IL1RAPL1: variants seen among roughly 807,000 people sequenced by gnomAD.
IL1RAPL1 encodes interleukin 1 receptor accessory protein like 1.
Under a neutral mutation model 48.4 loss-of-function variants are expected in IL1RAPL1, and 3 were observed. The ratio of observed to expected loss-of-function variants is 0.06; its 90% CI spans 0.03 to 0.16. IL1RAPL1 has a LOEUF of 0.16. IL1RAPL1 is among the 10% of genes least tolerant of loss of function. IL1RAPL1 has a pLI of 1.00. For missense variants in IL1RAPL1, 349 were observed against 530.6 expected, an observed-to-expected ratio of 0.66 and a Z score of 3.36; for synonymous variants, 185 against 187.7, an observed-to-expected ratio of 0.99 and a Z score of 0.12.
At chrX:29,795,933 G>A (rs1471439598) in intron 6 of IL1RAPL1, among the ~76,000 whole-genome samples, 1 of 112,492 alleles carries the variant, frequency 8.9e-6, no homozygotes, top group Non-Finnish European at 1.9e-5. Flanking sequence ...TAAAAGTTAA[G>A]TCTAGAAGTA....
At chrX:29,526,003 C>A (rs1194654804) in intron 5 of IL1RAPL1, among the ~76,000 whole-genome samples, 2 of 111,415 alleles carry the variant, frequency 1.8e-5, no homozygotes, top group East Asian at 5.6e-4. Flanking sequence ...TTGTAAAATA[C>A]ATGGAAATAC....
chrX:29,695,597 C>CGAGAGAGAGAGAGAGAGAGAGAGAGA (rs10635140), intron 6 of IL1RAPL1, among the ~76,000 whole-genome samples: 1 of 94,865 alleles, frequency 1.1e-5, no homozygotes, highest in African/African-American at 4.0e-5. Flanking sequence ...TGCAAGGTGG[C>CGAGAGAGAGAGAGAGAGAGAGAGAGA]GAGAGAGAGA....
rs1933798437 is a variant in IL1RAPL1, at chrX:29,387,808, C to T, written c.363-8450C>T. On this transcript the variant is annotated intron_variant, in intron 3 of 10. Transcript: ENST00000378993. ...AGGAGTTTGAGACCAGCCTGGCCAA[C>T]AGGGTGAAACCCCGCCTCTACTAAA... is the stretch of plus-strand genomic sequence containing the variant. Among the ~76,000 whole-genome samples, 3 of 110,089 alleles carry T rather than the reference C, an allele frequency of 2.7e-5. No individual in the cohort carries two copies. In the South Asian group the frequency reaches 1.2e-3, roughly 42 times the overall value.
intron 5 of IL1RAPL1, among the ~76,000 whole-genome samples, chrX:29,636,337 A>G (rs918701230): frequency 2.6e-4 from 29 of 112,137 alleles, no homozygotes; most frequent in Non-Finnish European, 5.1e-4. Flanking sequence ...AACAATAGTG[A>G]GTTCCTATTT....
intron 1 of IL1RAPL1, among the ~76,000 whole-genome samples, chrX:28,733,573 T>A (rs1260041221): frequency 9.0e-6 from 1 of 111,640 alleles, no homozygotes; most frequent in Admixed American, 9.6e-5. Flanking sequence ...GATGATGTAC[T>A]GTCTTCACTT....
At chrX:29,097,268 T>C (rs900613076) in intron 2 of IL1RAPL1, among the ~76,000 whole-genome samples, 2 of 112,184 alleles carry the variant, frequency 1.8e-5, no homozygotes, top group African/African-American at 6.5e-5. Context: ...CTGCCCTACC[T>C]GGCAAATTTT....
At chrX:29,016,876 T>G (rs2147399045) in intron 2 of IL1RAPL1, among the ~76,000 whole-genome samples, 1 of 111,524 alleles carries the variant, frequency 9.0e-6, no homozygotes, top group East Asian at 2.8e-4. Flanking sequence ...CACATGGACA[T>G]AAACAGATAT....
intron 6 of IL1RAPL1, among the ~76,000 whole-genome samples, chrX:29,766,367 A>G (rs1487197796): frequency 1.2e-5 from 1 of 81,759 alleles, no homozygotes; most frequent in East Asian, 3.1e-4. Context: ...ATATATAGAT[A>G]GATAGATAGA....
In IL1RAPL1 at chrX:29,758,903, G is replaced by C. The variant is rs982542151; in HGVS notation, c.778+90399G>C. On this transcript the variant is annotated intron_variant, in intron 6 of 10. Coordinates refer to ENST00000378993, the MANE Select transcript of IL1RAPL1 (RefSeq NM_014271.4). Reference sequence around the variant, plus strand: ...TGCAAACCACCCATGCTTCCTCTTGGGCTAATGCAGAGGTTAAACAGCCTG... The same window carrying C: ...TGCAAACCACCCATGCTTCCTCTTGCGCTAATGCAGAGGTTAAACAGCCTG... Among the ~76,000 whole-genome samples, 3 of 111,103 alleles carry C rather than the reference G, an allele frequency of 2.7e-5. No homozygotes were observed. In the Admixed American group the frequency reaches 2.9e-4, roughly 11 times the overall value.
At chrX:29,507,337 T>C in intron 5 of IL1RAPL1, among the ~76,000 whole-genome samples, 1 of 52,612 alleles carries the variant, frequency 1.9e-5, no homozygotes, top group Non-Finnish European at 3.7e-5. Context: ...CTTCCTTCAT[T>C]TCTCCCTTCT....
At chrX:29,877,710 T>C (rs780678129) in intron 6 of IL1RAPL1, among the ~76,000 whole-genome samples, 13 of 111,771 alleles carry the variant, frequency 1.2e-4, no homozygotes, top group Non-Finnish European at 2.1e-4. Flanking sequence ...TGTTAGCTAA[T>C]TGGTGAGTTC....
intron 1 of IL1RAPL1, among the ~76,000 whole-genome samples, chrX:28,762,113 T>G (rs988296950): frequency 3.6e-5 from 4 of 111,825 alleles, no homozygotes; most frequent in Admixed American, 9.5e-5. Flanking sequence ...GAATTCCAGA[T>G]GAATTAAAAA....
At chrX:29,008,484 A>G (rs1021274611) in intron 2 of IL1RAPL1, among the ~76,000 whole-genome samples, 5 of 112,070 alleles carry the variant, frequency 4.5e-5, no homozygotes, top group Admixed American at 1.9e-4. Context: ...CCCGGGCCAG[A>G]TAATTTTTGT....
intron 6 of IL1RAPL1, among the ~76,000 whole-genome samples, chrX:29,904,898 T>A (rs894700644): frequency 8.9e-6 from 1 of 111,992 alleles, no homozygotes; most frequent in Admixed American, 9.5e-5. Flanking sequence ...AGTAATGGGA[T>A]TGCTGGGTCA....
At chrX:29,465,275 A>G (rs1431157519) in intron 5 of IL1RAPL1, among the ~76,000 whole-genome samples, 1 of 110,293 alleles carries the variant, frequency 9.1e-6, no homozygotes, top group African/African-American at 3.3e-5. Context: ...GCATGGTGAC[A>G]TGTGCCTATG....
chrX:28,785,767 G>A (rs1936466864), intron 1 of IL1RAPL1, among the ~76,000 whole-genome samples: 1 of 111,885 alleles, frequency 8.9e-6, no homozygotes, highest in Non-Finnish European at 1.9e-5. Context: ...TTTTAACAGG[G>A]CCAGTCTAAT....
chrX:29,714,049 G>C (rs66790051), intron 6 of IL1RAPL1, among the ~76,000 whole-genome samples: 35,775 of 110,186 alleles, frequency 0.32, 4,750 homozygotes, highest in South Asian at 0.48. Flanking sequence ...GTAAATATAC[G>C]CTGAGATAGT....
intron 6 of IL1RAPL1, among the ~76,000 whole-genome samples, chrX:29,783,587 T>G (rs1276644528): frequency 8.9e-6 from 1 of 111,796 alleles, no homozygotes; most frequent in African/African-American, 3.3e-5. Flanking sequence ...ATCAAAATCA[T>G]AATGTCTAGA....
intron 5 of IL1RAPL1, among the ~76,000 whole-genome samples, chrX:29,401,679 T>A (rs1210044252): frequency 3.0e-5 from 3 of 98,816 alleles, no homozygotes; most frequent in South Asian, 4.6e-4. Context: ...AATGTCACTT[T>A]AAAAAAAAAA....
Sources: gnomAD v4.1 joint callset for allele counts (sites outside exome capture counted in the v4.1 genomes callset) on GRCh38, gnomAD v4.1.1 for gene constraint, MANE v1.5 for transcripts, NCBI Gene and HGNC (gene_info 2026-07-23, HGNC 2026-07-21) for gene names.